The following GALNS variants were observed in gnomAD, a reference collection of about 807,000 sequenced individuals.
GALNS encodes galactosamine (N-acetyl)-6-sulfatase.
In GALNS, 65 loss-of-function variants were observed where a neutral mutation model predicts 65.9. That is an observed-to-expected ratio of 0.99 (90% CI 0.81 to 1.21). The LOEUF (loss-of-function observed/expected upper bound fraction) is 1.21, where lower values mean the gene tolerates loss of function less well. GALNS is among the 50% of genes most tolerant of loss of function. The pLI is 0.00. For synonymous variants in GALNS, 346 were observed against 288.9 expected (o/e 1.20, Z -2.00); for missense variants, 776 against 700.7 (o/e 1.11, Z -1.21).
chr16:88,834,096 G>C (rs1911811594), intron 8 of GALNS, among the ~76,000 whole-genome samples: 1 of 152,216 alleles, frequency 6.6e-6, no homozygotes, highest in East Asian at 1.9e-4. Flanking sequence ...CGACTCGTGG[G>C]TCTGACTCCA....
chr16:88,832,191 T>C (rs1218928735), intron 8 of GALNS, 90 bp from the exon 9 acceptor site: 7 of 1,213,498 alleles, frequency 5.8e-6, no homozygotes, highest in Non-Finnish European at 8.4e-6. Flanking sequence ...AGACTGGTCA[T>C]AGGGACAAAG....
intron 9 of GALNS, among the ~76,000 whole-genome samples, chr16:88,831,290 G>C (rs944875504): frequency 2.3e-5 from 2 of 86,686 alleles, no homozygotes; most frequent in Non-Finnish European, 4.7e-5. Context: ...GGAGAGCGGT[G>C]AGGCCGAGCA....
chr16:88,837,162 C>T (rs543116380), intron 5 of GALNS, among the ~76,000 whole-genome samples: 2 of 152,342 alleles, frequency 1.3e-5, no homozygotes, highest in African/African-American at 4.8e-5. Context: ...TCAAGAGGTG[C>T]TGCCCCCACG....
chr16:88,840,780 C>A, intron 4 of GALNS: 1 of 602,310 alleles, frequency 1.7e-6, no homozygotes, highest in Admixed American at 2.6e-5. Context: ...TACTCGCGGC[C>A]GTGGGACCAG....
intron 1 of GALNS, chr16:88,843,447 G>A (rs1163419768): frequency 1.1e-5 from 4 of 349,672 alleles, no homozygotes; most frequent in Admixed American, 3.8e-5. Context: ...ATCGGCAGAC[G>A]ACAAAGTGCG....
At chr16:88,855,031 G>A (rs567764263) in intron 1 of GALNS, 64 of 339,626 alleles carry the variant, frequency 1.9e-4, no homozygotes, top group Non-Finnish European at 2.7e-4. Context: ...CACCCTGCAC[G>A]GCCTGAACCC....
intron 1 of GALNS, chr16:88,843,194 G>A (rs1160350216): frequency 2.2e-6 from 3 of 1,344,722 alleles, no homozygotes; most frequent in East Asian, 8.9e-5. Context: ...CTCTAAACAC[G>A]TGCATCTATT....
intron 5 of GALNS, among the ~76,000 whole-genome samples, 198 bp downstream of exon 5, chr16:88,837,424 G>C (rs1342361166): frequency 2.6e-5 from 4 of 152,208 alleles, no homozygotes; most frequent in Non-Finnish European, 5.9e-5. Flanking sequence ...GGAAACCCCA[G>C]GCAGGAGTCT....
chr16:88,824,591 A>G (rs1048955363), intron 11 of GALNS, among the ~76,000 whole-genome samples, 176 bp downstream of exon 11: 7 of 152,138 alleles, frequency 4.6e-5, no homozygotes, highest in Non-Finnish European at 8.8e-5. Context: ...CCAGCCTGTC[A>G]GCTGCCATGC....
chr16:88,834,459 GCC>G (rs752950429), intron 8 of GALNS, among the ~76,000 whole-genome samples: 1 of 44,288 alleles, frequency 2.3e-5, no homozygotes, highest in African/African-American at 9.4e-5. Context: ...AGGCTGTAGG[GCC>G]CCCCCCGTGT....
At chr16:88,831,075 C>T (rs75987792) in intron 9 of GALNS, among the ~76,000 whole-genome samples, 5,541 of 152,274 alleles carry the variant, frequency 0.036, 164 homozygotes, top group Non-Finnish European at 0.046. Context: ...CCTCACCACA[C>T]AGTCATTACC....
chr16:88,840,683 G>A (rs1966922802), intron 4 of GALNS: 2 of 438,182 alleles, frequency 4.6e-6, no homozygotes, highest in African/African-American at 2.0e-5. Flanking sequence ...CGTGGCAGGA[G>A]GCAGCCGGGG....
intron 13 of GALNS, chr16:88,816,871 C>T (rs569699162): frequency 2.8e-5 from 28 of 985,478 alleles, no homozygotes; most frequent in South Asian, 9.4e-5. Flanking sequence ...CCGAATCCTG[C>T]GCGGCAGATC....
intron 1 of GALNS, chr16:88,855,159 A>C (rs1444061296): frequency 1.6e-6 from 1 of 634,822 alleles, no homozygotes; most frequent in East Asian, 3.1e-5. Flanking sequence ...ATTTAACCCA[A>C]CATAACCAAA....
rs1911969610 is a variant in GALNS, at chr16:88,835,078, C to T, written c.898+135G>A. On this transcript the variant is annotated intron_variant, in intron 8 of 13. Transcript: ENST00000268695. ...GGCCTTGCTCGAGGCTCGGTGACAT[C>T]TGCTCCTCCCGCTGGACCCAGAGGG... 4.3e-6 allele frequency: 5 copies of T among 1,166,494 alleles called. No homozygotes were observed. In the East Asian group the frequency reaches 1.3e-4, roughly 30 times the overall value. The allele number at this position is 1,166,494 out of a possible 1,614,324, so 72.3% of individuals were successfully genotyped here.
At position 88,822,600 on chromosome 16, in the gene GALNS, C is replaced by G; in HGVS notation, c.1353G>C (p.Arg451Ser). 1 of 1,612,626 alleles carries G rather than the reference C, an allele frequency of 6.2e-7. No individual in the cohort carries two copies. The change falls in exon 12 of 14, where the codon AGG becomes AGC. Residue 451 changes from arginine (R) to serine (S), a missense_variant. By Grantham distance (110) the Arg-to-Ser change is moderately radical. Coordinates refer to ENST00000268695, the MANE Select transcript of GALNS (RefSeq NM_000512.5). ...CTGCACCGACTCACCTGAGGGGGAA[C>G]CTCTCCCCTGGGTCCCGTCCCAGGT... ...IFHLGRDPGE[R>S]FPLSFASAEY...
intron 4 of GALNS, among the ~76,000 whole-genome samples, chr16:88,839,102 C>G (rs1056901866): frequency 6.6e-6 from 1 of 152,124 alleles, no homozygotes; most frequent in Non-Finnish European, 1.5e-5. Flanking sequence ...AGGGGACACT[C>G]GTGCGTCCAC....
chr16:88,820,099 G>A (rs1252553854), intron 12 of GALNS, among the ~76,000 whole-genome samples: 1 of 151,828 alleles, frequency 6.6e-6, no homozygotes, highest in Non-Finnish European at 1.5e-5. Context: ...AAAGTGCTGG[G>A]ATCACAGGTG....
chr16:88,845,304 T>A (rs1033470974), intron 1 of GALNS: 1 of 151,940 alleles, frequency 6.6e-6, no homozygotes, highest in African/African-American at 2.4e-5. Context: ...TGAGCCAAGA[T>A]TGTACCACTG....
Sources: allele counts gnomAD v4.1 joint callset (sites outside exome capture counted in the v4.1 genomes callset), GRCh38; gene constraint gnomAD v4.1.1; transcripts MANE v1.5; gene names NCBI Gene and HGNC (gene_info 2026-07-23, HGNC 2026-07-21).